Variants in PRKDC observed in about 807,000 individuals in gnomAD.
The protein encoded by PRKDC is DNA-dependent protein kinase catalytic subunit.
PRKDC carries 82 observed loss-of-function variants against 486.9 expected under a neutral mutation model. The ratio of observed to expected loss-of-function variants is 0.17; its 90% CI spans 0.14 to 0.20. The LOEUF (loss-of-function observed/expected upper bound fraction) is 0.20. PRKDC is among the 10% of genes least tolerant of loss of function. PRKDC has a pLI of 1.00. For synonymous variants in PRKDC, 1,895 were observed against 1,837.0 expected (o/e 1.03, Z -0.81); for missense variants, 4,504 against 5,038.2 (o/e 0.89, Z 3.21).
At chr8:47,794,594 A>G in intron 73 of PRKDC, 93 bp from the exon 74 acceptor site, 1 of 1,167,442 alleles carries the variant, frequency 8.6e-7, no homozygotes, top group Non-Finnish European at 1.2e-6. Flanking sequence ...AAAACTCAGA[A>G]GTATAAAAAC....
rs905901049 is a variant in PRKDC at position 47,798,464 on chromosome 8, A to T, written c.10298-67T>A. 6.9e-6 allele frequency: 10 copies of T among 1,439,032 alleles called. No individual in the cohort carries two copies. In the African/African-American group the frequency reaches 1.1e-4, roughly 16 times the overall value. The allele number at this position is 1,439,032 out of a possible 1,614,324, so 89.1% of individuals were successfully genotyped here. On this transcript the variant is annotated intron_variant, in intron 72 of 85. Coordinates refer to ENST00000314191, the MANE Select transcript of PRKDC (RefSeq NM_006904.7). ...CCAATATCCATAAACTATGATGTTA[A>T]ATGCTAACACTTTCCCTTTTTGGCT...
Position 47,913,982 on chromosome 8 carries a change from C to T in PRKDC, c.2700G>A (p.Glu900=). 6.2e-7 allele frequency: 1 copy of T among 1,611,362 alleles called. No homozygotes were observed. The highest frequency in any genetic ancestry group is 8.5e-7 in the Non-Finnish European group (1 of 1,178,588). ...KRLSFAVPFR[E]MKPVIFLDVF... ...CATCCAGGAAAATGACAGGTTTCAT[C>T]TCTCTAAAGGGCACTGCAAAGCTCA... Residue 900 remains glutamate (E), a synonymous_variant, in exon 24 of 86, where the codon GAG becomes GAA. Transcript: ENST00000314191.
chr8:47,778,348 A>T, intron 83 of PRKDC, 111 bp downstream of exon 83: 1 of 1,186,252 alleles, frequency 8.4e-7, no homozygotes, highest in South Asian at 1.5e-5. Context: ...TGACAAAACG[A>T]ATCTAACTAA....
At chr8:47,895,440 G>A (rs1365600628) in intron 30 of PRKDC, among the ~76,000 whole-genome samples, 1 of 152,134 alleles carries the variant, frequency 6.6e-6, no homozygotes, top group African/African-American at 2.4e-5. Context: ...CATGAGGTCC[G>A]TATCACAGGC....
chr8:47,947,254 C>T (rs1216428873), intron 7 of PRKDC, among the ~76,000 whole-genome samples: 1 of 152,174 alleles, frequency 6.6e-6, no homozygotes, highest in South Asian at 2.1e-4. Flanking sequence ...ACGACTTCTG[C>T]GTTACATCCT....
chr8:47,810,456 ATC>A (rs2087303450), intron 68 of PRKDC, among the ~76,000 whole-genome samples: 1 of 152,230 alleles, frequency 6.6e-6, no homozygotes. Flanking sequence ...GTTTGGTATT[ATC>A]CATGGTTTCA....
Position 47,807,146 on chromosome 8 carries a change from G to A in PRKDC, c.9738C>T (p.Ala3246=). 1.9e-6 allele frequency: 3 copies of A among 1,613,490 alleles called. No homozygotes were observed. The highest frequency in any genetic ancestry group is 2.5e-6 in the Non-Finnish European group (3 of 1,179,614). The change falls in exon 69 of 86, where the codon GCC becomes GCT. Residue 3246 remains alanine (A), a synonymous_variant. Coordinates refer to ENST00000314191, the MANE Select transcript of PRKDC (RefSeq NM_006904.7). ...AGACACGAGTACCCACCTGCTTCCGGGCACTGTCTATCATCTTCATTTTCA... is the reference window on the plus strand; with the variant it reads ...AGACACGAGTACCCACCTGCTTCCGAGCACTGTCTATCATCTTCATTTTCA... ...FSMKMKMIDS[A]RKQNNFSLAM...
chr8:47,900,338 C>A (rs1289762581), intron 28 of PRKDC, 35 bp downstream of exon 28: 2 of 1,513,032 alleles, frequency 1.3e-6, no homozygotes, highest in East Asian at 2.3e-5. Context: ...CTCTTCAGAC[C>A]TGTAACGCAC....
chr8:47,918,865 T>C (rs938057899), intron 21 of PRKDC, among the ~76,000 whole-genome samples: 4 of 152,184 alleles, frequency 2.6e-5, no homozygotes, highest in African/African-American at 9.7e-5. Context: ...AAGTAATACC[T>C]GATTCAGAAG....
intron 21 of PRKDC, among the ~76,000 whole-genome samples, chr8:47,922,397 G>A (rs577544757): frequency 6.6e-5 from 10 of 152,138 alleles, no homozygotes; most frequent in African/African-American, 1.9e-4. Flanking sequence ...GCTTGAACCC[G>A]GGAGGCGGAG....
chr8:47,861,683 C>T (rs1268941358), intron 44 of PRKDC, among the ~76,000 whole-genome samples: 1 of 152,254 alleles, frequency 6.6e-6, no homozygotes, highest in Admixed American at 6.5e-5. Context: ...TCCCATCTGC[C>T]AGAGCAAGTC....
At chr8:47,929,038 TATTC>T (rs2090205058) in intron 19 of PRKDC, 50 bp downstream of exon 19, 4 of 1,248,914 alleles carry the variant, frequency 3.2e-6, no homozygotes, top group Non-Finnish European at 4.5e-6. Flanking sequence ...TTTCAATAGA[TATTC>T]ATTTAAAAAC....
intron 10 of PRKDC, among the ~76,000 whole-genome samples, chr8:47,941,415 A>G (rs2090443313): frequency 6.6e-6 from 1 of 152,044 alleles, no homozygotes; most frequent in Non-Finnish European, 1.5e-5. Flanking sequence ...TCGGAATGGG[A>G]GCTTTGGGTC....
intron 10 of PRKDC, among the ~76,000 whole-genome samples, chr8:47,942,727 G>C (rs2090465965): frequency 6.6e-6 from 1 of 152,194 alleles, no homozygotes; most frequent in Non-Finnish European, 1.5e-5. Flanking sequence ...GACAAGCACG[G>C]TCTCCTCAGC....
At chr8:47,901,241 T>C (rs1472888259) in intron 27 of PRKDC, among the ~76,000 whole-genome samples, 1 of 152,002 alleles carries the variant, frequency 6.6e-6, no homozygotes, top group East Asian at 1.9e-4. Context: ...TTTGGGAGGC[T>C]GAGGCAGGGA....
intron 25 of PRKDC, among the ~76,000 whole-genome samples, chr8:47,909,835 G>A (rs1449600834): frequency 6.6e-6 from 1 of 152,144 alleles, no homozygotes; most frequent in Non-Finnish European, 1.5e-5. Flanking sequence ...GGAAATTCCA[G>A]CCTGGTAAAT....
At chr8:47,917,672 CT>C (rs1249011813) in intron 22 of PRKDC, among the ~76,000 whole-genome samples, 1 of 152,078 alleles carries the variant, frequency 6.6e-6, no homozygotes, top group Non-Finnish European at 1.5e-5. Context: ...TATTTAAGAT[CT>C]AAGCATAAAT....
Position 47,859,678 on chromosome 8 carries a change from G to C in PRKDC, c.6140C>G (p.Thr2047Ser). 1 of 1,613,918 alleles carries C rather than the reference G, an allele frequency of 6.2e-7. No homozygotes were observed. Among genetic ancestry groups the C allele is most frequent in the Non-Finnish European group, 8.5e-7 (1 of 1,179,860 alleles). The change falls in exon 46 of 86, where the codon ACC becomes AGC. Residue 2047 changes from threonine to serine, a missense_variant. Physicochemically the swap from Thr to Ser is moderately conservative, Grantham distance 58 (BLOSUM62 1). Around this residue, in one of 6 missense-constraint regions of PRKDC, gnomAD observed 1,592 missense variants for 1,724.6 expected, o/e 0.92. Transcript: ENST00000314191. Reference protein sequence around the residue: ...SEEMSQFDFSTGVQSYSYSSQ... With the variant: ...SEEMSQFDFSSGVQSYSYSSQ... ...GCTGTATGAATAGCTCTGAACTCCG[G>C]TTGAGAAATCAAATTGACTCATTTC...
At chr8:47,878,562 T>G (rs2089139512) in intron 39 of PRKDC, among the ~76,000 whole-genome samples, 1 of 152,170 alleles carries the variant, frequency 6.6e-6, no homozygotes. Context: ...CACACCGTCC[T>G]CGCTACAGAG....
Sources: allele counts gnomAD v4.1 joint callset (sites outside exome capture counted in the v4.1 genomes callset), GRCh38; gene constraint gnomAD v4.1.1; regional missense constraint gnomAD v4.1.1; transcripts MANE v1.5; gene names NCBI Gene and HGNC (gene_info 2026-07-23, HGNC 2026-07-21).